The following TNRC6B variants were observed in gnomAD, a reference collection of about 807,000 sequenced individuals.
TNRC6B encodes trinucleotide repeat-containing gene 6B protein.
A neutral mutation model predicts 203.6 loss-of-function variants in TNRC6B; 52 were observed. The ratio of observed to expected loss-of-function variants is 0.26; its 90% CI spans 0.20 to 0.32. The LOEUF (loss-of-function observed/expected upper bound fraction) is 0.32. Among genes scored for constraint, TNRC6B ranks in the 10% least tolerant of loss-of-function variants. TNRC6B has a pLI of 1.00. For synonymous variants in TNRC6B, 838 were observed against 845.7 expected, an observed-to-expected ratio of 0.99 and a Z score of 0.16; for missense variants, 1,923 against 2,286.2, an observed-to-expected ratio of 0.84 and a Z score of 3.24.
rs2070396010 is a variant in TNRC6B at position 40,262,119 on chromosome 22, A to G, written c.403A>G (p.Asn135Asp). 2 of 1,505,682 alleles carry G rather than the reference A, an allele frequency of 1.3e-6. No homozygotes were observed. Among genetic ancestry groups the G allele is most frequent in the East Asian group, 2.3e-5 (1 of 42,880 alleles). The allele number at this position is 1,505,682 out of a possible 1,614,324, so 93.3% of individuals were successfully genotyped here. A position where few individuals can be genotyped will look rare whatever the true frequency, so the allele number is the denominator to read the frequency against. Reference protein sequence around the residue: ...PPCTAPGANPNNAQVTGALLQ... With the variant: ...PPCTAPGANPDNAQVTGALLQ... ...CTGCACAGCACCTGGAGCAAACCCA[A>G]ACAACGCACAAGTGACAGGAGCGCT... Residue 135 changes from asparagine (N) to aspartate (D), a missense_variant, in exon 4 of 23, where the codon AAC (asparagine) becomes GAC (aspartate). Asn to Asp is a conservative substitution (Grantham distance 23). Around this residue, in one of 8 missense-constraint regions of TNRC6B, gnomAD observed 614 missense variants for 587.7 expected, o/e 1.04. Coordinates refer to ENST00000454349, the MANE Select transcript of TNRC6B (RefSeq NM_001162501.2).
intron 1 of TNRC6B, among the ~76,000 whole-genome samples, chr22:40,191,615 T>C (rs941592802): frequency 1.3e-5 from 2 of 152,226 alleles, no homozygotes; most frequent in Non-Finnish European, 2.9e-5. Context: ...AGGTTCTCAC[T>C]CTGTCATCCA....
chr22:40,310,957 A>C lies in TNRC6B; in HGVS notation c.4399A>C (p.Ile1467Leu). The change falls in exon 17 of 23, where the codon ATC becomes CTC. Residue 1467 changes from isoleucine (I) to leucine (L), a missense_variant. Physicochemically the swap from Ile to Leu is conservative, Grantham distance 5. This residue lies in a region of TNRC6B where 242 missense variants were observed against 399.5 expected (regional missense o/e 0.61). Coordinates refer to ENST00000454349, the MANE Select transcript of TNRC6B (RefSeq NM_001162501.2). Reference protein sequence around the residue: ...LPAKSPPTNKIGSKSSNASWP... With the variant: ...LPAKSPPTNKLGSKSSNASWP... Reference sequence around the variant, plus strand: ...TGCCAAATCTCCACCAACAAATAAAATCGGAAGTAAATCCAGCAATGCCAG... The same window carrying C: ...TGCCAAATCTCCACCAACAAATAAACTCGGAAGTAAATCCAGCAATGCCAG... 1 of 1,609,766 alleles carries C rather than the reference A, an allele frequency of 6.2e-7. No individual in the cohort carries two copies. Among genetic ancestry groups the C allele is most frequent in the Non-Finnish European group, 8.5e-7 (1 of 1,178,692 alleles).
At chr22:40,115,666 G>A (rs1474666) in intron 1 of TNRC6B, among the ~76,000 whole-genome samples, 84,782 of 151,956 alleles carry the variant, frequency 0.56, 26,868 homozygotes, top group African/African-American at 0.87. Context: ...TGTGTATCTC[G>A]GAGGAGGAAC....
Position 40,186,740 on chromosome 22 carries a change from A to AG in TNRC6B, c.5+8600_5+8601insG, listed in dbSNP as rs1412057530. Among the ~76,000 whole-genome samples, 4 of 151,494 alleles carry AG rather than the reference A, an allele frequency of 2.6e-5. No individual in the cohort carries two copies. In the South Asian group the frequency reaches 8.3e-4, roughly 31 times the overall value. On this transcript the variant is annotated intron_variant, in intron 1 of 22. Transcript: ENST00000454349. ...GTGACAGAACAAGACTCCATCTCAAAAAAAAAAAAAAGTTAAAAATAAAAA... is the reference window on the plus strand; with the variant it reads ...GTGACAGAACAAGACTCCATCTCAAAGAAAAAAAAAAAGTTAAAAATAAAAA...
rs1489703344 is a variant in TNRC6B at position 40,045,642 on chromosome 22, AGGC to A, written c.-121+648_-121+650del. 2.6e-5 allele frequency: 4 copies of A among 152,332 alleles called. No homozygotes were observed. In the East Asian group the frequency reaches 7.7e-4, roughly 29 times the overall value. The allele number at this position is 152,332 out of a possible 1,614,324, so 9.4% of individuals were successfully genotyped here. A position where few individuals can be genotyped will look rare whatever the true frequency, so the allele number is the denominator to read the frequency against. ...GCCCTGCGTGTGCGGCCACTTGGGG[AGGC>A]GGCTCAGACTCTGGACAAGGAAACG... is the stretch of plus-strand genomic sequence containing the variant. On this transcript the variant is annotated intron_variant, in intron 1 of 23. Coordinates refer to the TNRC6B transcript ENST00000301923.
chr22:40,240,807 A>G (rs1203846653), intron 1 of TNRC6B, among the ~76,000 whole-genome samples: 1 of 152,060 alleles, frequency 6.6e-6, no homozygotes, highest in Admixed American at 6.5e-5. Flanking sequence ...TTGTTGCTGT[A>G]TGGGAGGGTT....
At chr22:40,145,883 A>G (rs146635229) in intron 3 of TNRC6B, among the ~76,000 whole-genome samples, 96 of 152,208 alleles carry the variant, frequency 6.3e-4, no homozygotes, top group South Asian at 1.7e-3. Flanking sequence ...TGCAGTCTGT[A>G]TGGAGCACAG....
intron 1 of TNRC6B, among the ~76,000 whole-genome samples, chr22:40,185,383 G>A (rs1256143286): frequency 1.3e-5 from 2 of 152,128 alleles, no homozygotes; most frequent in African/African-American, 2.4e-5. Flanking sequence ...GCTATTAAGG[G>A]AATACTGTAC....
chr22:40,143,644 C>T (rs1177196735), intron 3 of TNRC6B, among the ~76,000 whole-genome samples: 1 of 152,052 alleles, frequency 6.6e-6, no homozygotes, highest in East Asian at 1.9e-4. Flanking sequence ...CTACAGGCGC[C>T]CACCACCACG....
At chr22:40,076,395 G>A (rs6519216) in intron 1 of TNRC6B, among the ~76,000 whole-genome samples, 35,141 of 152,122 alleles carry the variant, frequency 0.23, 4,491 homozygotes, top group African/African-American at 0.34. Context: ...ATTTCTTCTA[G>A]TAGAGACCTG....
intron 3 of TNRC6B, chr22:40,156,078 A>G (rs1442187947): frequency 6.4e-7 from 1 of 1,553,880 alleles, no homozygotes; most frequent in Non-Finnish European, 8.7e-7. Flanking sequence ...CATTGTAGTT[A>G]CTGACTGCTG....
chr22:40,115,529 T>C (rs937463345), intron 1 of TNRC6B, among the ~76,000 whole-genome samples: 1 of 152,182 alleles, frequency 6.6e-6, no homozygotes, highest in South Asian at 2.1e-4. Context: ...CCCATTGGGA[T>C]TCAGTTCAGC....
chr22:40,307,566 G>A lies in TNRC6B; in HGVS notation c.4121-946G>A, dbSNP rs116067933. Among the ~76,000 whole-genome samples, 1,064 of 151,894 alleles carry A rather than the reference G, an allele frequency of 7.0e-3. 12 individuals carry two copies. Among genetic ancestry groups the A allele is most frequent in the African/African-American group, 0.024 (1,005 of 41,438 alleles). On this transcript the variant is annotated intron_variant, in intron 15 of 22. Transcript: ENST00000454349. ...TGGATGACGGACCCTGTTAGACTCC[G>A]TCATCCAGATTCTGCTGTGTGGCTT...
At chr22:40,074,778 C>CAA (rs559591151) in intron 1 of TNRC6B, among the ~76,000 whole-genome samples, 27 of 150,208 alleles carry the variant, frequency 1.8e-4, no homozygotes, top group African/African-American at 6.6e-4. Context: ...GACTCCGTCT[C>CAA]CAAAAAAAAA....
At chr22:40,248,782 C>A (rs1042713004) in intron 2 of TNRC6B, among the ~76,000 whole-genome samples, 6 of 152,168 alleles carry the variant, frequency 3.9e-5, no homozygotes, top group African/African-American at 1.4e-4. Context: ...AATAAAAATT[C>A]TATCGTTTTT....
intron 9 of TNRC6B, 135 bp from the exon 10 acceptor site, chr22:40,279,860 C>G: frequency 1.0e-5 from 7 of 676,190 alleles, no homozygotes; most frequent in Non-Finnish European, 1.5e-5. Flanking sequence ...GAGTTTGTCT[C>G]GTCTTATCCC....
chr22:40,246,280 C>A (rs1054541136), intron 2 of TNRC6B, 178 bp downstream of exon 2: 8 of 409,490 alleles, frequency 2.0e-5, no homozygotes, highest in Middle Eastern at 7.0e-4. Context: ...ACCTCCGCTT[C>A]CCAGGTTTAA....
At chr22:40,238,596 CTG>C (rs2069981797) in intron 1 of TNRC6B, among the ~76,000 whole-genome samples, 1 of 152,122 alleles carries the variant, frequency 6.6e-6, no homozygotes, top group Non-Finnish European at 1.5e-5. Flanking sequence ...GCCACTCCCT[CTG>C]TCTGGAATGT....
chr22:40,270,126 G>C lies in TNRC6B; in HGVS notation c.2811G>C (p.Trp937Cys). 6.3e-7 allele frequency: 1 copy of C among 1,583,798 alleles called. No homozygotes were observed. Among genetic ancestry groups the C allele is most frequent in the African/African-American group, 1.3e-5 (1 of 74,382 alleles). The change falls in exon 6 of 23, where the codon TGG becomes TGC. Residue 937 changes from tryptophan (W) to cysteine (C), a missense_variant. This residue lies in a region of TNRC6B where 599 missense variants were observed against 656.5 expected (regional missense o/e 0.91). Coordinates refer to ENST00000454349, the MANE Select transcript of TNRC6B (RefSeq NM_001162501.2). The part of the protein sequence containing the change: ...TPMTSKSASV[W>C]SKSTPPAPDN... ...AGACATTTCCTTTCTTTATAGTCTGGAGCAAAAGCACACCACCTGCTCCAG... is the reference window on the plus strand; with the variant it reads ...AGACATTTCCTTTCTTTATAGTCTGCAGCAAAAGCACACCACCTGCTCCAG...
Sources: allele counts gnomAD v4.1 joint callset (sites outside exome capture counted in the v4.1 genomes callset), GRCh38; gene constraint gnomAD v4.1.1; regional missense constraint gnomAD v4.1.1; transcripts MANE v1.5; gene names NCBI Gene and HGNC (gene_info 2026-07-23, HGNC 2026-07-21).